PREP: variants seen among roughly 807,000 people sequenced by gnomAD.
PREP encodes the protein dJ355L5.1 (prolyl endopeptidase).
In PREP, 29 loss-of-function variants were observed where a neutral mutation model predicts 87.6. The ratio of observed to expected loss-of-function variants is 0.33; its 90% CI spans 0.25 to 0.45. The LOEUF is 0.45. Among genes scored for constraint, PREP ranks in the 20% least tolerant of loss-of-function variants. The pLI is 1.00. For missense variants in PREP, 695 were observed against 886.5 expected (o/e 0.78, Z 2.74); for synonymous variants, 337 against 328.6 (o/e 1.03, Z -0.28).
intron 10 of PREP, among the ~76,000 whole-genome samples, chr6:105,301,146 G>C (rs1236260692): frequency 6.6e-6 from 1 of 152,260 alleles, no homozygotes. Context: ...TATGAAAGAT[G>C]AAGGTAGGCT....
In PREP at chr6:105,376,213, T is replaced by C; in HGVS notation, c.297A>G (p.Val99=). ...FYNTGLQNQR[V]LYVQDSLEGE... ...CCTCTAAGGAATCCTGTACATATAA[T>C]ACTCGCTGGTTCTGCAAACCTGTAT... The change falls in exon 4 of 15, where the codon GTA becomes GTG. Residue 99 remains valine, a synonymous_variant. Coordinates refer to ENST00000652536, the MANE Select transcript of PREP (RefSeq NM_002726.5). 1 of 1,613,688 alleles carries C rather than the reference T, an allele frequency of 6.2e-7. No individual in the cohort carries two copies. Among genetic ancestry groups the C allele is most frequent in the East Asian group, 2.2e-5 (1 of 44,882 alleles).
In PREP at chr6:105,274,992, A is replaced by C. The variant is rs1282912264; in HGVS notation, c.*3152T>G. Among the ~76,000 whole-genome samples the C allele has an allele frequency of 1.3e-5, 2 of 152,168 alleles. No individual in the cohort carries two copies. The highest frequency in any genetic ancestry group is 1.3e-4 in the Admixed American group (2 of 15,276). On this transcript the variant is annotated 3_prime_UTR_variant, in exon 15 of 15. Transcript: ENST00000652536. The stretch of plus-strand genomic sequence containing the variant: ...CATCTGTCTCCTCCCTGGAATATCA[A>C]CTGGATGAGGGCAGGACATTTTCTC...
chr6:105,333,615 A>C (rs1392730770), intron 7 of PREP, 110 bp from the exon 8 acceptor site: 3 of 1,125,256 alleles, frequency 2.7e-6, no homozygotes, highest in Non-Finnish European at 3.9e-6. Flanking sequence ...CATAAAGCAG[A>C]GATATTTGGA....
In PREP at chr6:105,302,198, G is replaced by A. The variant is rs111587083; in HGVS notation, c.1318-13304C>T. On this transcript the variant is annotated intron_variant, in intron 10 of 14. Transcript: ENST00000652536. The stretch of plus-strand genomic sequence containing the variant: ...CACGCGGAGGCCCAGAGAAAGCAGC[G>A]TCTGTTTTGGTACAGGCAGAAACTG... 8.5e-3 allele frequency among the ~76,000 whole-genome samples: 1,293 copies of A among 152,296 alleles called. 15 individuals are homozygous for A. Among genetic ancestry groups the A allele is most frequent in the Non-Finnish European group, 0.015 (990 of 68,022 alleles).
At chr6:105,357,409 T>C (rs991759659) in intron 6 of PREP, among the ~76,000 whole-genome samples, 1 of 152,226 alleles carries the variant, frequency 6.6e-6, no homozygotes, top group East Asian at 1.9e-4. Flanking sequence ...CCAGCTGTGC[T>C]AAATAGCTGT....
intron 7 of PREP, among the ~76,000 whole-genome samples, chr6:105,338,713 T>C (rs184607949): frequency 2.0e-5 from 3 of 152,358 alleles, no homozygotes; most frequent in African/African-American, 7.2e-5. Flanking sequence ...TCCAACGGTC[T>C]TAGCAAATGG....
chr6:105,293,332 G>A (rs1218665086), intron 10 of PREP, among the ~76,000 whole-genome samples: 1 of 152,136 alleles, frequency 6.6e-6, no homozygotes, highest in Non-Finnish European at 1.5e-5. Flanking sequence ...ACAGGAAATG[G>A]TCAGTGGAGC....
At chr6:105,357,695 C>T (rs1156624947) in intron 6 of PREP, among the ~76,000 whole-genome samples, 5 of 152,072 alleles carry the variant, frequency 3.3e-5, no homozygotes, top group Non-Finnish European at 7.4e-5. Context: ...AATGACAGCC[C>T]CACACCCAGA....
chr6:105,310,989 C>T (rs1464738149), intron 10 of PREP, among the ~76,000 whole-genome samples: 1 of 152,176 alleles, frequency 6.6e-6, no homozygotes, highest in African/African-American at 2.4e-5. Context: ...AAATCTCAGT[C>T]ATTCCTCAGG....
chr6:105,398,655 G>A (rs1011087938), intron 1 of PREP, among the ~76,000 whole-genome samples: 4 of 152,166 alleles, frequency 2.6e-5, no homozygotes, highest in African/African-American at 9.7e-5. Flanking sequence ...GCTGAAGGAA[G>A]CTTTCTGGAG....
rs1374376958 is a variant in PREP at position 105,273,677 on chromosome 6, A to C, written c.*4467T>G. 1.3e-5 allele frequency: 2 copies of C among 152,038 alleles called. No individual in the cohort carries two copies. The highest frequency in any genetic ancestry group is 1.3e-4 in the Admixed American group (2 of 15,240). The allele number at this position is 152,038 out of a possible 1,614,324, so 9.4% of individuals were successfully genotyped here. ...TTGAATAACCACCCCGCTTTTCCCT[A>C]GGCTCTCCTGCTGTCAGTTTCCCAC... is the stretch of plus-strand genomic sequence containing the variant. On this transcript the variant is annotated 3_prime_UTR_variant, in exon 15 of 15. Transcript: ENST00000652536.
intron 10 of PREP, chr6:105,298,605 C>G (rs906945514): frequency 6.6e-6 from 1 of 152,506 alleles, no homozygotes; most frequent in African/African-American, 2.4e-5. Context: ...GCTGTCTTCC[C>G]ATCTGCCCTG....
intron 5 of PREP, among the ~76,000 whole-genome samples, chr6:105,369,456 C>T (rs1382134956): frequency 6.6e-6 from 1 of 152,214 alleles, no homozygotes; most frequent in Non-Finnish European, 1.5e-5. Flanking sequence ...GATTGACAAA[C>T]TGATTCTAAA....
At position 105,328,836 on chromosome 6, in the gene PREP, T is replaced by C. The variant is rs916391653; in HGVS notation, c.1206A>G (p.Leu402=). Residue 402 remains leucine (L), a synonymous_variant, in exon 9 of 15, where the codon TTA becomes TTG. Coordinates refer to ENST00000652536, the MANE Select transcript of PREP (RefSeq NM_002726.5). ...CAGTGAAAAAACACTTACCTGGAGATAAAAAGGAAGTAAACTGATAGAAGA... is the reference window on the plus strand; with the variant it reads ...CAGTGAAAAAACACTTACCTGGAGACAAAAAGGAAGTAAACTGATAGAAGA... The part of the protein sequence containing the change: ...TEIFYQFTSF[L]SPGIIYHCDL... 14 of 1,613,968 alleles carry C rather than the reference T, an allele frequency of 8.7e-6. No homozygotes were observed. The African/African-American group carries it at 1.7e-4, about 20-fold the overall frequency.
intron 2 of PREP, among the ~76,000 whole-genome samples, chr6:105,383,651 GCCT>G (rs1447115655): frequency 6.6e-6 from 1 of 152,104 alleles, no homozygotes; most frequent in East Asian, 1.9e-4. Flanking sequence ...AGCCTGTCAG[GCCT>G]CTTTCCACCT....
chr6:105,400,599 C>T (rs1583112842), intron 1 of PREP, among the ~76,000 whole-genome samples: 1 of 152,164 alleles, frequency 6.6e-6, no homozygotes, highest in Admixed American at 6.5e-5. Flanking sequence ...GGAAATTAGT[C>T]CCATCCTCTT....
At chr6:105,365,305 C>T (rs78833825) in intron 6 of PREP, among the ~76,000 whole-genome samples, 13,103 of 152,204 alleles carry the variant, frequency 0.086, 808 homozygotes, top group African/African-American at 0.18. Context: ...TGCTTCATTT[C>T]CAGTGAATAG....
At chr6:105,293,070 C>T (rs1770331536) in intron 10 of PREP, among the ~76,000 whole-genome samples, 1 of 152,198 alleles carries the variant, frequency 6.6e-6, no homozygotes, top group Admixed American at 6.5e-5. Context: ...GCTTTCTTAT[C>T]ATTCATGTCT....
chr6:105,299,790 G>C (rs545937142), intron 10 of PREP, among the ~76,000 whole-genome samples: 17 of 152,240 alleles, frequency 1.1e-4, no homozygotes, highest in African/African-American at 3.9e-4. Flanking sequence ...CTTTGGTATA[G>C]ATTTAACACA....
Sources: allele counts gnomAD v4.1 joint callset (sites outside exome capture counted in the v4.1 genomes callset), GRCh38; gene constraint gnomAD v4.1.1; transcripts MANE v1.5; gene names NCBI Gene and HGNC (gene_info 2026-07-23, HGNC 2026-07-21).